ZXDC: variants seen among roughly 807,000 people sequenced by gnomAD.
ZXDC encodes the protein ZXD family zinc finger C.
Under a neutral mutation model 63.6 loss-of-function variants are expected in ZXDC, and 58 were observed. The ratio of observed to expected loss-of-function variants is 0.91; its 90% CI spans 0.74 to 1.13. ZXDC has a LOEUF of 1.13. Ranked by LOEUF, ZXDC falls within the 50% of genes most tolerant of loss-of-function variation. The probability of loss-of-function intolerance (pLI) is 0.00; values close to 1 mark genes in which losing one functional copy is unlikely to be tolerated. For synonymous variants in ZXDC, 561 were observed against 496.1 expected, an observed-to-expected ratio of 1.13 and a Z score of -1.74; for missense variants, 1,133 against 1,148.9, an observed-to-expected ratio of 0.99 and a Z score of 0.20.
intron 4 of ZXDC, among the ~76,000 whole-genome samples, chr3:126,469,941 G>A (rs1321728504): frequency 6.6e-6 from 1 of 152,198 alleles, no homozygotes; most frequent in African/African-American, 2.4e-5. Context: ...TTCCAGGTAA[G>A]GAAACCAAGG....
chr3:126,456,488 G>C (rs1017903358), intron 7 of ZXDC, among the ~76,000 whole-genome samples: 3 of 152,224 alleles, frequency 2.0e-5, no homozygotes, highest in African/African-American at 7.2e-5. Flanking sequence ...GGGGGCAATG[G>C]TCTCTGGGTG....
intron 1 of ZXDC, among the ~76,000 whole-genome samples, chr3:126,473,513 G>A (rs1390913322): frequency 6.6e-6 from 1 of 152,154 alleles, no homozygotes; most frequent in Non-Finnish European, 1.5e-5. Context: ...GGAAGCAGGC[G>A]GGATCCCTGA....
intron 7 of ZXDC, chr3:126,454,192 A>AT: frequency 2.0e-6 from 2 of 981,846 alleles, no homozygotes; most frequent in Non-Finnish European, 2.4e-6. Flanking sequence ...CCCATTTTAA[A>AT]TATCTTTCAT....
chr3:126,453,813 G>C (rs568102237), intron 7 of ZXDC: 5 of 982,042 alleles, frequency 5.1e-6, no homozygotes, highest in Admixed American at 6.1e-5. Context: ...TCCTGCCTCA[G>C]CCTCCTGAGT....
intron 7 of ZXDC, chr3:126,453,820 G>A (rs1934204839): frequency 2.0e-5 from 20 of 979,258 alleles, no homozygotes; most frequent in African/African-American, 3.5e-5. Context: ...TCAGCCTCCT[G>A]AGTAGCTGAG....
chr3:126,470,386 A>C (rs1934939112), intron 4 of ZXDC, among the ~76,000 whole-genome samples: 1 of 152,206 alleles, frequency 6.6e-6, no homozygotes, highest in Non-Finnish European at 1.5e-5. Context: ...AGAATCACTT[A>C]AACCTGGGAG....
At chr3:126,471,492 C>T (rs1934978592) in intron 3 of ZXDC, among the ~76,000 whole-genome samples, 1 of 152,148 alleles carries the variant, frequency 6.6e-6, no homozygotes, top group South Asian at 2.1e-4. Context: ...CCTCAGAGCC[C>T]AGCTGTGCAA....
intron 7 of ZXDC, among the ~76,000 whole-genome samples, chr3:126,448,950 A>G (rs1933985206): frequency 6.6e-6 from 1 of 152,256 alleles, no homozygotes; most frequent in South Asian, 2.1e-4. Context: ...CAGGAGGTGC[A>G]GGAACTGCCT....
intron 7 of ZXDC, among the ~76,000 whole-genome samples, chr3:126,446,304 T>C (rs561703948): frequency 6.6e-6 from 1 of 152,168 alleles, no homozygotes; most frequent in Admixed American, 6.5e-5. Context: ...TGATGGTAAA[T>C]AGCAAAGTGG....
In ZXDC at chr3:126,475,858, A is replaced by AGGTC. The variant is rs1381684972; in HGVS notation, c.4_7dup (p.Leu3ArgfsTer46). 9.3e-7 allele frequency: 1 copy of AGGTC among 1,077,080 alleles called. No homozygotes were observed. The highest frequency in any genetic ancestry group is 1.7e-5 in the African/African-American group (1 of 58,820). 66.7% of individuals were successfully genotyped at this position (1,077,080 alleles called of 1,614,324 possible). Reference sequence around the variant, plus strand: ...AGTCGGGGCGGGGAGCAGCGCCGGGAGGTCCATCTTGGTCCCAGCGACGGC... The same window carrying AGGTC: ...AGTCGGGGCGGGGAGCAGCGCCGGGAGGTCGGTCCATCTTGGTCCCAGCGACGGC... On this transcript the variant is annotated frameshift_variant, in exon 1 of 10. Coordinates refer to ENST00000389709, the MANE Select transcript of ZXDC (RefSeq NM_025112.5). LOFTEE classifies it high-confidence loss of function.
At chr3:126,456,093 A>G (rs1434693610) in intron 7 of ZXDC, among the ~76,000 whole-genome samples, 1 of 152,260 alleles carries the variant, frequency 6.6e-6, no homozygotes, top group Non-Finnish European at 1.5e-5. Context: ...TATAAAATTA[A>G]TAAGTACACA....
intron 7 of ZXDC, among the ~76,000 whole-genome samples, chr3:126,444,968 A>T (rs1201154670): frequency 6.6e-6 from 1 of 152,270 alleles, no homozygotes; most frequent in African/African-American, 2.4e-5. Flanking sequence ...TACAACAGGA[A>T]AAAAGATAGG....
intron 6 of ZXDC, 169 bp downstream of exon 6, chr3:126,461,366 G>A (rs866759278): frequency 9.7e-5 from 137 of 1,410,020 alleles, no homozygotes; most frequent in Non-Finnish European, 1.1e-4. Context: ...ATGGGTTAAG[G>A]TGATTTGTCA....
chr3:126,452,394 G>T (rs1934142812), intron 7 of ZXDC: 1 of 985,236 alleles, frequency 1.0e-6, no homozygotes, highest in Non-Finnish European at 1.2e-6. Flanking sequence ...CAAGCCTGTG[G>T]GCTCTGCCAT....
Position 126,475,461 on chromosome 3 carries a change from G to A in ZXDC, c.405C>T (p.Asp135=). 1 of 1,208,072 alleles carries A rather than the reference G, an allele frequency of 8.3e-7. No individual in the cohort carries two copies. Among genetic ancestry groups the A allele is most frequent in the Non-Finnish European group, 1.0e-6 (1 of 975,076 alleles). 74.8% of individuals were successfully genotyped at this position (1,208,072 alleles called of 1,614,324 possible). ...CGCCGCGGTCGAGACGCACCAGCAG[G>A]TCCTGGCTGCTGATGGTGACGGCGC... ...PAGAVTISSQ[D]LLVRLDRGVL... The change falls in exon 1 of 10, where the codon GAC becomes GAT. Residue 135 remains aspartate (D), a synonymous_variant. Transcript: ENST00000389709.
chr3:126,472,156 T>C lies in ZXDC; in HGVS notation c.1057A>G (p.Thr353Ala). The change falls in exon 2 of 10, where the codon ACA (threonine) becomes GCA (alanine). Residue 353 changes from threonine to alanine, a missense_variant. Physicochemically the swap from Thr to Ala is moderately conservative, Grantham distance 58. Coordinates refer to ENST00000389709, the MANE Select transcript of ZXDC (RefSeq NM_025112.5). ...CRLKIHLRSHTGERPFICDSD... is the reference protein window; with the variant it reads ...CRLKIHLRSHAGERPFICDSD... ...TGTGCGTTCCCTAGCTCATTACCTG[T>C]ATGGCTCCGCAGGTGAATTTTCAGC... 6.2e-7 allele frequency: 1 copy of C among 1,610,084 alleles called. No individual in the cohort carries two copies. The highest frequency in any genetic ancestry group is 8.5e-7 in the Non-Finnish European group (1 of 1,176,520).
intron 6 of ZXDC, chr3:126,460,046 GA>G: frequency 1.0e-6 from 1 of 985,372 alleles, no homozygotes; most frequent in South Asian, 4.7e-5. Flanking sequence ...TCTGCTTTCT[GA>G]AACAAACACC....
At chr3:126,454,636 GAC>G (rs1449745393) in intron 7 of ZXDC, 2 of 985,230 alleles carry the variant, frequency 2.0e-6, no homozygotes, top group African/African-American at 3.5e-5. Context: ...ACTTCACTGT[GAC>G]ACAGGATACC....
intron 7 of ZXDC, chr3:126,451,179 A>T: frequency 1.0e-6 from 1 of 985,430 alleles, no homozygotes; most frequent in African/African-American, 1.7e-5. Flanking sequence ...CAATAGAAAA[A>T]GTAGAAATGA....
Sources: allele counts gnomAD v4.1 joint callset (sites outside exome capture counted in the v4.1 genomes callset), GRCh38; gene constraint gnomAD v4.1.1; transcripts MANE v1.5; gene names NCBI Gene and HGNC (gene_info 2026-07-23, HGNC 2026-07-21).